The following ABR variants were observed in gnomAD, a reference collection of about 807,000 sequenced individuals.
ABR encodes the protein active breakpoint cluster region-related protein.
Under a neutral mutation model 107.2 loss-of-function variants are expected in ABR, and 35 were observed. The ratio of observed to expected loss-of-function variants is 0.33; its 90% CI spans 0.25 to 0.43. The LOEUF (loss-of-function observed/expected upper bound fraction) is 0.43. Among genes scored for constraint, ABR ranks in the 20% least tolerant of loss-of-function variants. The pLI is 1.00. For synonymous variants in ABR, 498 were observed against 462.0 expected (o/e 1.08, Z -1.00); for missense variants, 815 against 1,115.2 (o/e 0.73, Z 3.83).
upstream of ABR, among the ~76,000 whole-genome samples, chr17:1,189,825 C>A (rs62087712): frequency 0.56 from 85,449 of 151,566 alleles, 26,244 homozygotes; most frequent in Middle Eastern, 0.74. Context: ...ACTGAGGTCT[C>A]TTGGAGGATA....
At chr17:1,193,036 GAA>G (rs2150697118) in intron 1 of ABR, among the ~76,000 whole-genome samples, 1 of 152,274 alleles carries the variant, frequency 6.6e-6, no homozygotes, top group East Asian at 1.9e-4. Flanking sequence ...CAAAAAGAGC[GAA>G]ACTCTATCTC....
At chr17:1,227,394 T>C (rs1469829605) in intron 1 of ABR, among the ~76,000 whole-genome samples, 2 of 152,026 alleles carry the variant, frequency 1.3e-5, no homozygotes, top group Non-Finnish European at 2.9e-5. Context: ...GGCACTAGGG[T>C]GAAATCTTCA....
intron 1 of ABR, among the ~76,000 whole-genome samples, chr17:1,147,605 C>A (rs2040608224): frequency 6.6e-6 from 1 of 152,122 alleles, no homozygotes. Flanking sequence ...AGGTGACCCA[C>A]CCGCCTCAGC....
At position 1,058,039 on chromosome 17, in the gene ABR, G is replaced by A. The variant is rs754350193; in HGVS notation, c.1312C>T (p.Leu438=). ...RIHNRNGKSY[L]FLLSSDYERS... ...TCGTAGTCCGAGGACAGTAGGAACA[G>A]GTAACTCTGAAGAGAGGAGATAAGC... The change falls in exon 12 of 23, where the codon CTG becomes TTG. Residue 438 remains leucine (L), a synonymous_variant. Coordinates refer to ENST00000302538, the MANE Select transcript of ABR (RefSeq NM_021962.5). 2 of 1,612,272 alleles carry A rather than the reference G, an allele frequency of 1.2e-6. No homozygotes were observed. Among genetic ancestry groups the A allele is most frequent in the South Asian group, 1.1e-5 (1 of 91,058 alleles).
At chr17:1,151,197 G>A (rs778266355) in intron 1 of ABR, among the ~76,000 whole-genome samples, 3 of 152,118 alleles carry the variant, frequency 2.0e-5, no homozygotes, top group Admixed American at 6.6e-5. Context: ...AAAGCACACC[G>A]AAGAGAGGAT....
rs1437081259 is a variant in ABR at position 1,098,439 on chromosome 17, A to AGG, written c.345+2197_345+2198insCC. On this transcript the variant is annotated intron_variant, in intron 3 of 22. Coordinates refer to ENST00000302538, the MANE Select transcript of ABR (RefSeq NM_021962.5). ...CACCATGGGCCCGGCAATTACATAT[A>AGG]TATACAGGCACACAGACAGACAACA... Among the ~76,000 whole-genome samples, 8 of 152,250 alleles carry AGG rather than the reference A, an allele frequency of 5.3e-5. No homozygotes were observed. The East Asian group carries it at 1.5e-3, about 29-fold the overall frequency.
intron 6 of ABR, among the ~76,000 whole-genome samples, chr17:1,077,176 G>GA (rs1325528480): frequency 6.6e-6 from 1 of 152,198 alleles, no homozygotes; most frequent in Admixed American, 6.5e-5. Flanking sequence ...CTTCTTCAGG[G>GA]AAAGGCAGCA....
rs2069815426 is a variant in ABR at position 1,003,620 on chromosome 17, A to T, written c.*2460T>A. On this transcript the variant is annotated 3_prime_UTR_variant, in exon 23 of 23. Coordinates refer to ENST00000302538, the MANE Select transcript of ABR (RefSeq NM_021962.5). ...TAATCTACATAAGTTGAAACAGAAC[A>T]TAGACAAAAAAATATATCCTTACCA... 1 of 152,566 alleles carries T rather than the reference A, an allele frequency of 6.6e-6. No individual in the cohort carries two copies. The highest frequency in any genetic ancestry group is 1.5e-5 in the Non-Finnish European group (1 of 68,050). 9.5% of individuals were successfully genotyped at this position (152,566 alleles called of 1,614,324 possible). A position where few individuals can be genotyped will look rare whatever the true frequency, so the allele number is the denominator to read the frequency against.
rs1310046612 is a variant in ABR, at chr17:1,004,839, C to T, written c.*1241G>A. 7 of 393,104 alleles carry T rather than the reference C, an allele frequency of 1.8e-5. No homozygotes were observed. The highest frequency in any genetic ancestry group is 4.4e-5 in the Admixed American group (1 of 22,488). 24.4% of individuals were successfully genotyped at this position (393,104 alleles called of 1,614,324 possible). A position where few individuals can be genotyped will look rare whatever the true frequency, so the allele number is the denominator to read the frequency against. ...GGGCGGCACCACAATGGCTGGCCAC[C>T]GTGGGCCTGTGCCTTTGCTTCCCAG... On this transcript the variant is annotated 3_prime_UTR_variant, in exon 23 of 23. Coordinates refer to ENST00000302538, the MANE Select transcript of ABR (RefSeq NM_021962.5).
chr17:1,196,829 G>A (rs1355487610), intron 1 of ABR, among the ~76,000 whole-genome samples: 1 of 151,920 alleles, frequency 6.6e-6, no homozygotes, highest in Non-Finnish European at 1.5e-5. Flanking sequence ...CGAGTAGCTG[G>A]GACTACAGGC....
At chr17:1,031,909 C>CCTCCCTCCGTCCGCA in intron 16 of ABR, 1 of 1,054,194 alleles carries the variant, frequency 9.5e-7, no homozygotes, top group Non-Finnish European at 1.2e-6. Flanking sequence ...CGCGTCCCTC[C>CCTCCCTCCGTCCGCA]TCCCTCCTCC....
intron 1 of ABR, among the ~76,000 whole-genome samples, chr17:1,206,178 A>C (rs752363305): frequency 3.9e-5 from 6 of 152,114 alleles, no homozygotes; most frequent in Non-Finnish European, 7.4e-5. Context: ...CTTGAGCCAG[A>C]GAGGTTGAGG....
At chr17:1,166,959 C>T (rs574078321) in intron 1 of ABR, among the ~76,000 whole-genome samples, 5 of 152,236 alleles carry the variant, frequency 3.3e-5, no homozygotes, top group South Asian at 2.1e-4. Flanking sequence ...GCTGAGATCG[C>T]GCCACTGCAC....
chr17:1,135,375 G>T (rs73975648), intron 1 of ABR, among the ~76,000 whole-genome samples: 65,480 of 142,264 alleles, frequency 0.46, 15,215 homozygotes, highest in African/African-American at 0.54. Flanking sequence ...TTTTCTTTTT[G>T]TCTTTTTTTT....
intron 1 of ABR, among the ~76,000 whole-genome samples, chr17:1,174,180 T>C (rs1323828870): frequency 6.6e-6 from 1 of 152,114 alleles, no homozygotes; most frequent in Non-Finnish European, 1.5e-5. Flanking sequence ...AGAACAACAG[T>C]AGCCAACAAT....
At chr17:1,165,266 T>C (rs181883849) in intron 1 of ABR, among the ~76,000 whole-genome samples, 3 of 152,342 alleles carry the variant, frequency 2.0e-5, no homozygotes, top group Admixed American at 1.3e-4. Context: ...GAGGGGAGCC[T>C]GTGACCCGGA....
At chr17:1,126,619 G>A (rs2039615526) in intron 1 of ABR, 1 of 152,322 alleles carries the variant, frequency 6.6e-6, no homozygotes, top group African/African-American at 2.4e-5. Context: ...GTATCTTCCG[G>A]GCGGGACTCC....
chr17:1,155,561 A>G (rs992620767), intron 1 of ABR, among the ~76,000 whole-genome samples: 1 of 152,214 alleles, frequency 6.6e-6, no homozygotes, highest in African/African-American at 2.4e-5. Context: ...CACGTCATCA[A>G]TGAACACTTC....
chr17:1,079,425 T>G, intron 5 of ABR, 35 bp from the exon 6 acceptor site: 2 of 1,587,798 alleles, frequency 1.3e-6, no homozygotes, highest in Non-Finnish European at 1.7e-6. Context: ...TGGCCTGTTC[T>G]GTCCCTCACC....
Sources: allele counts gnomAD v4.1 joint callset (sites outside exome capture counted in the v4.1 genomes callset), GRCh38; gene constraint gnomAD v4.1.1; transcripts MANE v1.5; gene names NCBI Gene and HGNC (gene_info 2026-07-23, HGNC 2026-07-21).